Variants in CDH2 observed in about 807,000 individuals in gnomAD.
CDH2 encodes cadherin-2.
A neutral mutation model predicts 92.0 loss-of-function variants in CDH2; 17 were observed. The ratio of observed to expected loss-of-function variants is 0.18; its 90% CI spans 0.13 to 0.28. CDH2 has a LOEUF of 0.28. Among genes scored for constraint, CDH2 ranks in the 10% least tolerant of loss-of-function variants. CDH2 has a pLI of 1.00. For missense variants in CDH2, 862 were observed against 1,133.1 expected, an observed-to-expected ratio of 0.76 and a Z score of 3.44; for synonymous variants, 419 against 415.9, an observed-to-expected ratio of 1.01 and a Z score of -0.09.
intron 2 of CDH2, among the ~76,000 whole-genome samples, chr18:28,018,030 G>A (rs1173135791): frequency 6.6e-6 from 1 of 151,984 alleles, no homozygotes; most frequent in African/African-American, 2.4e-5. Flanking sequence ...CATCCCAAAA[G>A]CTCCTAGAAC....
intron 5 of CDH2, among the ~76,000 whole-genome samples, chr18:28,008,142 G>A (rs1275373770): frequency 1.5e-4 from 23 of 152,080 alleles, no homozygotes; most frequent in Admixed American, 1.4e-3. Flanking sequence ...TTCAGAAAGC[G>A]AGAATTCCTA....
chr18:27,953,769 T>C (rs1909578447), intron 15 of CDH2, among the ~76,000 whole-genome samples: 1 of 152,146 alleles, frequency 6.6e-6, no homozygotes, highest in African/African-American at 2.4e-5. Flanking sequence ...ACTGTAATCA[T>C]AATAATAGGA....
chr18:28,071,877 C>G (rs966848139), intron 2 of CDH2, among the ~76,000 whole-genome samples: 1 of 151,956 alleles, frequency 6.6e-6, no homozygotes, highest in African/African-American at 2.4e-5. Context: ...TAGGATAGTT[C>G]CATCAGAAAA....
intron 2 of CDH2, among the ~76,000 whole-genome samples, chr18:28,143,863 T>C (rs17446840): frequency 1.3e-5 from 2 of 152,160 alleles, no homozygotes; most frequent in Non-Finnish European, 2.9e-5. Flanking sequence ...TGGGTGAAGC[T>C]GGAAGCCATT....
At chr18:28,038,962 G>C (rs1385356260) in intron 2 of CDH2, among the ~76,000 whole-genome samples, 2 of 152,080 alleles carry the variant, frequency 1.3e-5, no homozygotes, top group East Asian at 1.9e-4. Flanking sequence ...ACAGCTTCTG[G>C]AACTCCTGTG....
intron 7 of CDH2, among the ~76,000 whole-genome samples, chr18:27,999,724 T>G (rs1367332394): frequency 1.3e-5 from 2 of 151,428 alleles, no homozygotes; most frequent in South Asian, 2.1e-4. Context: ...GTGTGTGTGT[T>G]TGTGTATATA....
At chr18:27,990,470 G>A in intron 9 of CDH2, 120 bp from the exon 10 acceptor site, 1 of 882,506 alleles carries the variant, frequency 1.1e-6, no homozygotes, top group East Asian at 2.6e-5. Context: ...ACATAACAAG[G>A]TTCCTCTCAA....
At chr18:28,121,065 G>C (rs182628340) in intron 2 of CDH2, among the ~76,000 whole-genome samples, 1 of 152,018 alleles carries the variant, frequency 6.6e-6, no homozygotes, top group Admixed American at 6.6e-5. Context: ...TATTCTGTGC[G>C]GTTTCACATT....
At chr18:28,163,543 G>A (rs926676641) in intron 1 of CDH2, among the ~76,000 whole-genome samples, 8 of 152,158 alleles carry the variant, frequency 5.3e-5, no homozygotes, top group Non-Finnish European at 1.2e-4. Flanking sequence ...GAGTATCCCT[G>A]GCATTTATAC....
At chr18:28,019,892 C>T (rs1233671699) in intron 2 of CDH2, among the ~76,000 whole-genome samples, 1 of 152,086 alleles carries the variant, frequency 6.6e-6, no homozygotes, top group Non-Finnish European at 1.5e-5. Flanking sequence ...TTAGATAAAA[C>T]TAAGTCAACT....
intron 7 of CDH2, among the ~76,000 whole-genome samples, chr18:27,994,613 C>T (rs2012523822): frequency 6.6e-6 from 1 of 152,174 alleles, no homozygotes; most frequent in South Asian, 2.1e-4. Context: ...AATGTTAAAA[C>T]ATTCTGAACA....
intron 2 of CDH2, among the ~76,000 whole-genome samples, chr18:28,136,400 T>C (rs2144306132): frequency 6.6e-6 from 1 of 152,152 alleles, no homozygotes; most frequent in South Asian, 2.1e-4. Context: ...TTTTTTTTTT[T>C]TTACCATCAA....
chr18:28,045,693 T>C, intron 2 of CDH2: 1 of 247,636 alleles, frequency 4.0e-6, no homozygotes. Flanking sequence ...GCTTCAACTG[T>C]ACTCTTTAAA....
intron 1 of CDH2, among the ~76,000 whole-genome samples, chr18:28,174,299 G>A (rs1290170996): frequency 3.9e-5 from 6 of 151,908 alleles, no homozygotes; most frequent in Non-Finnish European, 8.8e-5. Context: ...CTGCAGGACA[G>A]CCACTTTCAC....
chr18:28,126,876 T>C (rs752679250), intron 2 of CDH2, among the ~76,000 whole-genome samples: 1 of 151,952 alleles, frequency 6.6e-6, no homozygotes, highest in East Asian at 1.9e-4. Context: ...GACCAGAACA[T>C]GAAAAGATAT....
At chr18:28,028,389 T>C (rs1567970644) in intron 2 of CDH2, among the ~76,000 whole-genome samples, 1 of 152,156 alleles carries the variant, frequency 6.6e-6, no homozygotes, top group Non-Finnish European at 1.5e-5. Context: ...GCCCCACTGG[T>C]ATGATGTGAT....
chr18:27,973,517 A>G (rs1180988325), intron 14 of CDH2, among the ~76,000 whole-genome samples: 1 of 152,106 alleles, frequency 6.6e-6, no homozygotes, highest in African/African-American at 2.4e-5. Context: ...GTATTTCATG[A>G]GCTGTGCCTA....
At chr18:28,103,300 TTATA>T (rs66502168) in intron 2 of CDH2, among the ~76,000 whole-genome samples, 5 of 143,090 alleles carry the variant, frequency 3.5e-5, no homozygotes, top group African/African-American at 7.6e-5. Context: ...AAAAACTCCT[TTATA>T]TATATATAAA....
Position 28,047,627 on chromosome 18 carries a change from G to A in CDH2, c.173-33718C>T, listed in dbSNP as rs983864410. Among the ~76,000 whole-genome samples, 5 of 152,240 alleles carry A rather than the reference G, an allele frequency of 3.3e-5. No homozygotes were observed. In the East Asian group the frequency reaches 9.7e-4, roughly 29 times the overall value. On this transcript the variant is annotated intron_variant, in intron 2 of 15. Transcript: ENST00000269141. ...CTCACGCCTGTAATCCCGGCACTTT[G>A]GGAGGCCGAGGTGGGTGGATCACGA...
Sources: allele counts gnomAD v4.1 joint callset (sites outside exome capture counted in the v4.1 genomes callset), GRCh38; gene constraint gnomAD v4.1.1; transcripts MANE v1.5; gene names NCBI Gene and HGNC (gene_info 2026-07-23, HGNC 2026-07-21).